The following ARHGAP39 variants were observed in gnomAD, a reference collection of about 807,000 sequenced individuals.
ARHGAP39 encodes Rho GTPase activating protein 39.
Under a neutral mutation model 106.9 loss-of-function variants are expected in ARHGAP39, and 44 were observed. The observed-to-expected ratio is 0.41, with a 90% CI of 0.32 to 0.53. The LOEUF is 0.53. Ranked by LOEUF, ARHGAP39 falls within the 20% of genes least tolerant of loss-of-function variation. The pLI, the probability that ARHGAP39 is intolerant of heterozygous loss-of-function variation, is 0.21. For synonymous variants in ARHGAP39, 768 were observed against 693.2 expected (o/e 1.11, Z -1.69); for missense variants, 1,496 against 1,577.3 (o/e 0.95, Z 0.87).
At chr8:144,533,500 C>T (rs1200128736) in intron 8 of ARHGAP39, among the ~76,000 whole-genome samples, 175 bp from the exon 9 acceptor site, 3 of 152,182 alleles carry the variant, frequency 2.0e-5, no homozygotes, top group Admixed American at 1.3e-4. Context: ...CTGGACCAGC[C>T]CTCCTCGCCC....
chr8:144,639,389 A>G (rs893587964), intron 1 of ARHGAP39, among the ~76,000 whole-genome samples: 2 of 152,050 alleles, frequency 1.3e-5, no homozygotes, highest in Non-Finnish European at 2.9e-5. Flanking sequence ...AATTAATTTA[A>G]ATTTCATTTC....
intron 4 of ARHGAP39, among the ~76,000 whole-genome samples, chr8:144,553,013 T>G (rs939801060): frequency 6.6e-6 from 1 of 152,144 alleles, no homozygotes; most frequent in Admixed American, 6.5e-5. Context: ...TCTCAGCCCC[T>G]GTGGGGCTGG....
chr8:144,530,660 C>A, intron 11 of ARHGAP39, 42 bp downstream of exon 11: 3 of 231,810 alleles, frequency 1.3e-5, no homozygotes, highest in Admixed American at 1.3e-4. Flanking sequence ...GGGGGCGGGG[C>A]GGGGAGGGGA....
At chr8:144,656,947 A>G (rs1045111027) in intron 1 of ARHGAP39, among the ~76,000 whole-genome samples, 17 of 152,272 alleles carry the variant, frequency 1.1e-4, no homozygotes, top group African/African-American at 3.9e-4. Context: ...AACTACCAAA[A>G]ATCACTCACG....
intron 2 of ARHGAP39, among the ~76,000 whole-genome samples, chr8:144,596,808 G>A (rs1229192329): frequency 1.3e-5 from 2 of 152,188 alleles, no homozygotes; most frequent in Non-Finnish European, 2.9e-5. Flanking sequence ...CTGCAGGAGC[G>A]GCCACCATGA....
intron 1 of ARHGAP39, among the ~76,000 whole-genome samples, chr8:144,680,671 T>G (rs1003641821): frequency 6.6e-6 from 1 of 152,140 alleles, no homozygotes; most frequent in Non-Finnish European, 1.5e-5. Flanking sequence ...AAAAAAAAAT[T>G]ATTAATGCTA....
intron 1 of ARHGAP39, among the ~76,000 whole-genome samples, chr8:144,662,562 C>T (rs192546554): frequency 7.4e-5 from 11 of 149,380 alleles, no homozygotes; most frequent in East Asian, 2.0e-4. Context: ...CACCTTGGAC[C>T]GCTCCCCCTC....
intron 1 of ARHGAP39, among the ~76,000 whole-genome samples, chr8:144,629,662 G>A (rs1039598129): frequency 6.6e-6 from 1 of 152,220 alleles, no homozygotes; most frequent in African/African-American, 2.4e-5. Context: ...GTGGTACACC[G>A]GGTGATGGCA....
Position 144,685,813 on chromosome 8 carries a change from G to C in ARHGAP39, c.-209C>G, listed in dbSNP as rs1434633502. The stretch of plus-strand genomic sequence containing the variant: ...TGCTGCCGCGGCAGCCCGTGCTGTC[G>C]GCGTCCTCCGCCGCCGCCGCCGGCC... On this transcript the variant is annotated 5_prime_UTR_variant, in exon 1 of 12. Transcript: ENST00000377307. Among the ~76,000 whole-genome samples the C allele has an allele frequency of 6.8e-6, 1 of 147,692 alleles. No homozygotes were observed. Among genetic ancestry groups the C allele is most frequent in the Admixed American group, 6.7e-5 (1 of 14,888 alleles).
intron 1 of ARHGAP39, among the ~76,000 whole-genome samples, chr8:144,610,230 C>A (rs1426651310): frequency 1.3e-5 from 2 of 152,138 alleles, no homozygotes; most frequent in Non-Finnish European, 2.9e-5. Context: ...ACTTTTCTGG[C>A]TAGAAGCTTA....
intron 1 of ARHGAP39, among the ~76,000 whole-genome samples, chr8:144,658,276 A>ATT (rs748953919): frequency 9.3e-4 from 130 of 139,788 alleles, no homozygotes; most frequent in African/African-American, 2.8e-3. Flanking sequence ...CACCCGGCTA[A>ATT]TTTTTTTTTT....
At chr8:144,606,956 T>C (rs1276831127) in intron 1 of ARHGAP39, among the ~76,000 whole-genome samples, 2 of 137,464 alleles carry the variant, frequency 1.5e-5, no homozygotes, top group Non-Finnish European at 3.1e-5. Context: ...AATTGGACTA[T>C]AGTAAAATTA....
intron 2 of ARHGAP39, among the ~76,000 whole-genome samples, chr8:144,600,179 G>A (rs143708347): frequency 4.0e-4 from 60 of 150,930 alleles, no homozygotes; most frequent in African/African-American, 1.3e-3. Flanking sequence ...GCGTGTGTGC[G>A]CACTTGTGTA....
chr8:144,600,554 G>C (rs1353621848), intron 2 of ARHGAP39, among the ~76,000 whole-genome samples: 1 of 151,288 alleles, frequency 6.6e-6, no homozygotes, highest in African/African-American at 2.4e-5. Flanking sequence ...ACCTGAGTGT[G>C]CGTGTGCGTG....
rs1223809682 is a variant in ARHGAP39, at chr8:144,547,349, C to G, written c.1737G>C (p.Gln579His). 6.2e-7 allele frequency: 1 copy of G among 1,604,396 alleles called. No homozygotes were observed. Among genetic ancestry groups the G allele is most frequent in the Non-Finnish European group, 8.5e-7 (1 of 1,178,160 alleles). Residue 579 changes from glutamine to histidine, a missense_variant, in exon 5 of 12, where the codon CAG becomes CAC. Gln to His is a conservative substitution (Grantham distance 24, BLOSUM62 0). Transcript: ENST00000377307. The surrounding 1 kb of genome is among the most constrained non-coding windows in gnomAD (Gnocchi z 5.2). ...CGCTCTCGTAGCCAGAGCCGTCCTGCTGGGAGTCCCAGCTGCTCCTCTGCT... is the reference window on the plus strand; with the variant it reads ...CGCTCTCGTAGCCAGAGCCGTCCTGGTGGGAGTCCCAGCTGCTCCTCTGCT... Reference protein sequence around the residue: ...HMKQRSSWDSQQDGSGYESDG... With the variant: ...HMKQRSSWDSHQDGSGYESDG...
intron 1 of ARHGAP39, among the ~76,000 whole-genome samples, chr8:144,617,392 A>G (rs10156223): frequency 5.0e-5 from 7 of 140,156 alleles, no homozygotes; most frequent in South Asian, 2.4e-4. Context: ...AGCACCCAGC[A>G]CCGCAAACCA....
chr8:144,544,243 C>T (rs1817310183), intron 6 of ARHGAP39, among the ~76,000 whole-genome samples: 1 of 152,266 alleles, frequency 6.6e-6, no homozygotes, highest in Admixed American at 6.5e-5. Flanking sequence ...GGTGCCTATA[C>T]CCAACACTGT....
chr8:144,581,397 A>G, intron 2 of ARHGAP39, 120 bp from the exon 3 acceptor site: 1 of 1,142,112 alleles, frequency 8.8e-7, no homozygotes, highest in Non-Finnish European at 1.2e-6. Flanking sequence ...CATAGAGGAA[A>G]GCAAACCCAA....
In ARHGAP39 at chr8:144,547,990, AG is replaced by A. The variant is rs751388541; in HGVS notation, c.1095del (p.Ser366ArgfsTer18). On this transcript the variant is annotated frameshift_variant, in exon 5 of 12. Transcript: ENST00000377307. LOFTEE classifies it high-confidence loss of function. This position sits in a 1 kb window ranked among gnomAD's most constrained non-coding sequence, Gnocchi z 5.2. ...PFLQPNKQGP[P>X]SPCQQLVLTK... ...GTGAGCACCAGCTGCTGGCAGGGCG[AG>A]GGGGGGCCCTGCTTGTTGGGCTGGA... is the stretch of plus-strand genomic sequence containing the variant. The A allele has an allele frequency of 2.5e-6, 4 of 1,609,116 alleles. No individual in the cohort carries two copies. Among genetic ancestry groups the A allele is most frequent in the Non-Finnish European group, 1.7e-6 (2 of 1,178,812 alleles).
Sources: gnomAD v4.1 joint callset for allele counts (sites outside exome capture counted in the v4.1 genomes callset) on GRCh38, gnomAD v4.1.1 for gene constraint, Gnocchi (gnomAD v3.1) non-coding constraint, MANE v1.5 for transcripts, NCBI Gene and HGNC (gene_info 2026-07-23, HGNC 2026-07-21) for gene names.